KCND3: variants seen among roughly 807,000 people sequenced by gnomAD.
KCND3 encodes the protein potassium voltage-gated channel subfamily D member 3, also known as A-type voltage-gated potassium channel KCND3.
A neutral mutation model predicts 51.1 loss-of-function variants in KCND3; 9 were observed. The observed-to-expected ratio is 0.18, with a 90% CI of 0.11 to 0.31. The LOEUF (loss-of-function observed/expected upper bound fraction) is 0.31, where lower values mean the gene tolerates loss of function less well. KCND3 is among the 10% of genes least tolerant of loss of function. The pLI is 1.00. For synonymous variants in KCND3, 349 were observed against 368.0 expected, an observed-to-expected ratio of 0.95 and a Z score of 0.59; for missense variants, 526 against 903.8, an observed-to-expected ratio of 0.58 and a Z score of 5.36.
chr1:111,967,805 C>T (rs1337565886), intron 2 of KCND3, among the ~76,000 whole-genome samples: 1 of 152,182 alleles, frequency 6.6e-6, no homozygotes, highest in East Asian at 1.9e-4. Flanking sequence ...ATCCAACCCC[C>T]TCACCATTCA....
intron 2 of KCND3, among the ~76,000 whole-genome samples, chr1:111,869,577 G>T (rs949046758): frequency 1.3e-5 from 2 of 152,202 alleles, no homozygotes; most frequent in Non-Finnish European, 2.9e-5. Flanking sequence ...AATGTGCTCA[G>T]TTGGGAAGGA....
At chr1:111,890,098 T>C (rs1244892883) in intron 2 of KCND3, among the ~76,000 whole-genome samples, 2 of 152,170 alleles carry the variant, frequency 1.3e-5, no homozygotes, top group Admixed American at 1.3e-4. Flanking sequence ...GAATTCAGCT[T>C]TGCCTCTGGA....
intron 2 of KCND3, among the ~76,000 whole-genome samples, chr1:111,800,795 C>T (rs1232169100): frequency 6.6e-6 from 1 of 152,226 alleles, no homozygotes; most frequent in Non-Finnish European, 1.5e-5. Context: ...TGACCTGGGG[C>T]ATCCCTGGTT....
chr1:111,876,707 T>A (rs1669066207), intron 2 of KCND3, among the ~76,000 whole-genome samples: 1 of 152,236 alleles, frequency 6.6e-6, no homozygotes, highest in South Asian at 2.1e-4. Flanking sequence ...AGACAGATTT[T>A]GTTCTCTGTC....
rs773573000 is a variant in KCND3 at position 111,982,448 on chromosome 1, G to C, written c.279C>G (p.Cys93Trp). The change falls in exon 2 of 8, where the codon TGC (cysteine) becomes TGG (tryptophan). Residue 93 changes from cysteine to tryptophan, a missense_variant. By Grantham distance (215) the Cys-to-Trp change is radical. This residue lies in a region of KCND3 where 159 missense variants were observed against 262.8 expected (regional missense o/e 0.61). Coordinates refer to ENST00000302127, the MANE Select transcript of KCND3 (RefSeq NM_001378969.1). This position sits in a 1 kb window ranked among gnomAD's most constrained non-coding sequence, Gnocchi z 8.5. Reference sequence around the variant, plus strand: ...TCCCCGTGCGGTAGAAGTTGAGCACGCAGCGGAACACCTCGGGGTCCCGGT... The same window carrying C: ...TCCCCGTGCGGTAGAAGTTGAGCACCCAGCGGAACACCTCGGGGTCCCGGT... ...FFDRDPEVFRCVLNFYRTGKL... is the reference protein window; with the variant it reads ...FFDRDPEVFRWVLNFYRTGKL... 1 of 1,613,532 alleles carries C rather than the reference G, an allele frequency of 6.2e-7. No individual in the cohort carries two copies. Among genetic ancestry groups the C allele is most frequent in the South Asian group, 1.1e-5 (1 of 91,056 alleles).
intron 2 of KCND3, among the ~76,000 whole-genome samples, chr1:111,955,127 T>TA (rs1187704711): frequency 6.6e-6 from 1 of 152,222 alleles, no homozygotes; most frequent in Non-Finnish European, 1.5e-5. Flanking sequence ...TCCAACCCTA[T>TA]ATCCCTGCCC....
At chr1:111,950,494 G>A (rs1358658478) in intron 2 of KCND3, among the ~76,000 whole-genome samples, 1 of 152,240 alleles carries the variant, frequency 6.6e-6, no homozygotes, top group African/African-American at 2.4e-5. Flanking sequence ...CCGCAGCACT[G>A]TGCCTGGTGC....
chr1:111,816,664 T>C (rs1164470436), intron 2 of KCND3, among the ~76,000 whole-genome samples: 3 of 152,224 alleles, frequency 2.0e-5, no homozygotes, highest in African/African-American at 7.2e-5. Context: ...TTCTAGGTCA[T>C]AGGTATTATT....
At chr1:111,873,181 C>T (rs767236115) in intron 2 of KCND3, among the ~76,000 whole-genome samples, 2 of 152,226 alleles carry the variant, frequency 1.3e-5, no homozygotes, top group Admixed American at 1.3e-4. Context: ...TGCAGTATCC[C>T]TGCCTGTCCT....
At chr1:111,834,427 A>G (rs1666983702) in intron 2 of KCND3, among the ~76,000 whole-genome samples, 1 of 152,182 alleles carries the variant, frequency 6.6e-6, no homozygotes, top group Non-Finnish European at 1.5e-5. Flanking sequence ...CCCATTCTCC[A>G]TATTTGTCTC....
chr1:111,950,747 G>A (rs956512343), intron 2 of KCND3, among the ~76,000 whole-genome samples: 2 of 152,222 alleles, frequency 1.3e-5, no homozygotes, highest in African/African-American at 4.8e-5. Context: ...TTTGAAGGGA[G>A]AGGTGACAAG....
chr1:111,948,499 G>A (rs954999204), intron 2 of KCND3, among the ~76,000 whole-genome samples: 1 of 152,214 alleles, frequency 6.6e-6, no homozygotes, highest in African/African-American at 2.4e-5. Flanking sequence ...ACAGCATAGG[G>A]CTGTTCTGCC....
At chr1:111,898,051 G>A (rs1670204304) in intron 2 of KCND3, among the ~76,000 whole-genome samples, 1 of 152,078 alleles carries the variant, frequency 6.6e-6, no homozygotes, top group Non-Finnish European at 1.5e-5. Context: ...GACTGCTTAG[G>A]TTTGCATCTC....
intron 2 of KCND3, among the ~76,000 whole-genome samples, chr1:111,969,169 C>A (rs753579784): frequency 6.6e-6 from 1 of 152,088 alleles, no homozygotes. Context: ...GTTGGCCACA[C>A]GAGCCTCCAT....
intron 2 of KCND3, among the ~76,000 whole-genome samples, chr1:111,958,787 C>G (rs1488389753): frequency 6.6e-6 from 1 of 152,310 alleles, no homozygotes; most frequent in South Asian, 2.1e-4. Flanking sequence ...CCAGCATCCA[C>G]CTGCAGGGTT....
intron 2 of KCND3, among the ~76,000 whole-genome samples, chr1:111,807,545 G>A (rs574874499): frequency 2.0e-4 from 31 of 152,192 alleles, no homozygotes; most frequent in African/African-American, 3.9e-4. Context: ...GTGTGGTGGC[G>A]GGGGCCTGTA....
chr1:111,825,327 G>T (rs1160234498), intron 2 of KCND3, among the ~76,000 whole-genome samples: 1 of 152,106 alleles, frequency 6.6e-6, no homozygotes, highest in East Asian at 1.9e-4. Flanking sequence ...TGGCCCATCA[G>T]CTCAGGTTGT....
At chr1:111,833,923 G>A (rs894504341) in intron 2 of KCND3, among the ~76,000 whole-genome samples, 1 of 152,188 alleles carries the variant, frequency 6.6e-6, no homozygotes, top group Non-Finnish European at 1.5e-5. Context: ...ATTTCAGGAG[G>A]GAGAAGGACT....
At chr1:111,887,744 C>T (rs1369749917) in intron 2 of KCND3, among the ~76,000 whole-genome samples, 3 of 152,074 alleles carry the variant, frequency 2.0e-5, no homozygotes, top group African/African-American at 7.2e-5. Flanking sequence ...GAAAGACCTG[C>T]GGCACTTAAA....
Sources: allele counts gnomAD v4.1 joint callset (sites outside exome capture counted in the v4.1 genomes callset), GRCh38; gene constraint gnomAD v4.1.1; regional missense constraint gnomAD v4.1.1; non-coding constraint Gnocchi (gnomAD v3.1); transcripts MANE v1.5; gene names NCBI Gene and HGNC (gene_info 2026-07-23, HGNC 2026-07-21).